Variants in MTMR3 observed in about 807,000 individuals in gnomAD.
The protein encoded by MTMR3 is phosphatidylinositol-3,5-bisphosphate 3-phosphatase MTMR3.
A neutral mutation model predicts 132.4 loss-of-function variants in MTMR3; 32 were observed. The ratio of observed to expected loss-of-function variants is 0.24; its 90% confidence interval spans 0.18 to 0.32. The LOEUF (loss-of-function observed/expected upper bound fraction) is 0.32, where lower values mean the gene tolerates loss of function less well. Among genes scored for constraint, MTMR3 ranks in the 10% least tolerant of loss-of-function variants. The pLI, the probability that MTMR3 is intolerant of heterozygous loss-of-function variation, is 1.00. For missense variants in MTMR3, 1,216 were observed against 1,489.6 expected, an observed-to-expected ratio of 0.82 and a Z score of 3.02; for synonymous variants, 556 against 550.3, an observed-to-expected ratio of 1.01 and a Z score of -0.14.
chr22:29,937,494 G>C (rs962580861), intron 1 of MTMR3, among the ~76,000 whole-genome samples: 1 of 150,634 alleles, frequency 6.6e-6, no homozygotes, highest in Admixed American at 6.6e-5. Context: ...ATAGCTTACT[G>C]CAGGCTTGAG....
At chr22:29,972,913 T>A (rs1218953493) in intron 3 of MTMR3, among the ~76,000 whole-genome samples, 1 of 152,196 alleles carries the variant, frequency 6.6e-6, no homozygotes, top group Non-Finnish European at 1.5e-5. Flanking sequence ...ATATGTATGT[T>A]TTATATAGTT....
In MTMR3 at chr22:30,020,188, C is replaced by T. The variant is rs774355560; in HGVS notation, c.2529C>T (p.Asp843=). ...TTGAGACCAGAGGACCAAACGTGGA[C>T]AGTTCTACAGACATGTTAGTGGAAG... ...VPFETRGPNV[D]SSTDMLVEDK... is the part of the protein sequence containing the mutation. Residue 843 remains aspartate, a synonymous_variant, in exon 17 of 20, where the codon GAC becomes GAT. Transcript: ENST00000401950. 15 of 1,614,088 alleles carry T rather than the reference C, an allele frequency of 9.3e-6. No homozygotes were observed. In the East Asian group the frequency reaches 2.5e-4, roughly 26 times the overall value.
chr22:29,923,721 C>G (rs1220222229), intron 1 of MTMR3, among the ~76,000 whole-genome samples: 1 of 152,136 alleles, frequency 6.6e-6, no homozygotes, highest in Non-Finnish European at 1.5e-5. Flanking sequence ...TTTAAGCACA[C>G]TAATCCTATT....
chr22:29,998,648 AT>A, intron 7 of MTMR3, 112 bp from the exon 8 acceptor site: 1 of 509,950 alleles, frequency 2.0e-6, no homozygotes. Context: ...GTCTCAAAAA[AT>A]ATATATATAT....
intron 1 of MTMR3, among the ~76,000 whole-genome samples, chr22:29,915,158 T>C (rs1449297737): frequency 6.6e-6 from 1 of 152,218 alleles, no homozygotes; most frequent in Non-Finnish European, 1.5e-5. Flanking sequence ...TGTTTTTAGG[T>C]ACATACATAT....
At chr22:30,000,280 T>C (rs1248176467) in intron 8 of MTMR3, 1 of 151,954 alleles carries the variant, frequency 6.6e-6, no homozygotes, top group East Asian at 1.9e-4. Flanking sequence ...GCTAACACGG[T>C]GAAACCCCGT....
In MTMR3 at chr22:29,976,643, C is replaced by G. The variant is rs1448260004; in HGVS notation, c.4-1799C>G. On this transcript the variant is annotated intron_variant, in intron 3 of 19. Transcript: ENST00000401950. ...TGTGCTAAGGTACCAGCAGTTTTAC[C>G]TACCAGGTTTTTTTGCACTATTAGT... Among the ~76,000 whole-genome samples, 14 of 152,094 alleles carry G rather than the reference C, an allele frequency of 9.2e-5. 1 individual carries two copies.
rs9625879 is a variant in MTMR3, at chr22:29,897,613, C to T, written c.-138+14254C>T. Among the ~76,000 whole-genome samples the T allele has an allele frequency of 4.5e-3, 688 of 151,454 alleles. 6 individuals carry two copies. Among genetic ancestry groups the T allele is most frequent in the African/African-American group, 0.016 (645 of 41,266 alleles). ...GATTACAGGAGCTCGTCACCATGCC[C>T]GGCTAATTTTCTTATTTTTAGTAGA... is the stretch of plus-strand genomic sequence containing the variant. On this transcript the variant is annotated intron_variant, in intron 1 of 19. Transcript: ENST00000401950.
At chr22:29,948,126 A>C (rs552726726) in intron 1 of MTMR3, among the ~76,000 whole-genome samples, 1 of 152,266 alleles carries the variant, frequency 6.6e-6, no homozygotes, top group Admixed American at 6.5e-5. Context: ...CTAGTATTTG[A>C]ATTTTGTCTG....
chr22:30,001,844 T>C (rs2067182496), intron 8 of MTMR3: 1 of 152,188 alleles, frequency 6.6e-6, no homozygotes, highest in Non-Finnish European at 1.5e-5. Context: ...TTCAGTGGCT[T>C]TTAAATTCCT....
In MTMR3 at chr22:30,027,454, T is replaced by G. The variant is rs1158574370; in HGVS notation, c.*1653T>G. Reference sequence around the variant, plus strand: ...ATCTGAGCACGTCTCTGACTTCCAGTGGCAACACAGTTTGAACGTGGTGAA... The same window carrying G: ...ATCTGAGCACGTCTCTGACTTCCAGGGGCAACACAGTTTGAACGTGGTGAA... On this transcript the variant is annotated 3_prime_UTR_variant, in exon 20 of 20. Coordinates refer to ENST00000401950, the MANE Select transcript of MTMR3 (RefSeq NM_021090.4). 2 of 152,808 alleles carry G rather than the reference T, an allele frequency of 1.3e-5. No homozygotes were observed. Among genetic ancestry groups the G allele is most frequent in the Non-Finnish European group, 2.9e-5 (2 of 68,048 alleles). The allele number at this position is 152,808 out of a possible 1,614,324, so 9.5% of individuals were successfully genotyped here.
rs777379430 is a variant in MTMR3, at chr22:30,020,884, G to A, written c.3225G>A (p.Val1075=). ...TTAATGGAGACTTTGGGGATGAGGT[G>A]GTGAGTAGGCTGTGGTATTCCTCCA... The part of the protein sequence containing the change: ...LHFNGDFGDE[V]TSIPDSESNL... The change falls in exon 17 of 20, where the codon GTG becomes GTA. Residue 1075 remains valine (V), a splice_region_variant and synonymous_variant. Transcript: ENST00000401950. 4.6e-5 allele frequency: 73 copies of A among 1,578,314 alleles called. No individual in the cohort carries two copies. The highest frequency in any genetic ancestry group is 6.2e-5 in the Non-Finnish European group (72 of 1,160,582).
chr22:29,919,332 A>G (rs569435471), intron 1 of MTMR3, among the ~76,000 whole-genome samples: 2 of 152,248 alleles, frequency 1.3e-5, no homozygotes, highest in Admixed American at 1.3e-4. Context: ...CTTACCATGG[A>G]TTTCTCACGT....
rs1272446403 is a variant in MTMR3 at position 29,896,902 on chromosome 22, C to CACACACACAT, written c.-138+13544_-138+13545insCACACACATA. On this transcript the variant is annotated intron_variant, in intron 1 of 19. Coordinates refer to ENST00000401950, the MANE Select transcript of MTMR3 (RefSeq NM_021090.4). ...ACACACACACACACACACACACACA[C>CACACACACAT]ATACACACACACAAATCCCATATAG... 1.5e-3 allele frequency among the ~76,000 whole-genome samples: 222 copies of CACACACACAT among 148,842 alleles called. 2 individuals are homozygous for CACACACACAT. The highest frequency in any genetic ancestry group is 2.2e-4 in the Non-Finnish European group (15 of 67,356).
At chr22:29,898,371 C>G (rs1289151980) in intron 1 of MTMR3, among the ~76,000 whole-genome samples, 1 of 152,168 alleles carries the variant, frequency 6.6e-6, no homozygotes, top group African/African-American at 2.4e-5. Flanking sequence ...CAATTGATCA[C>G]ATCACCCAGG....
chr22:29,907,417 A>G (rs2065124953), intron 1 of MTMR3, among the ~76,000 whole-genome samples: 3 of 145,074 alleles, frequency 2.1e-5, no homozygotes, highest in East Asian at 3.9e-4. Flanking sequence ...AAAAATTACA[A>G]ACTTTTTTAT....
At chr22:29,946,651 T>G (rs566185197) in intron 1 of MTMR3, among the ~76,000 whole-genome samples, 23 of 152,366 alleles carry the variant, frequency 1.5e-4, no homozygotes, top group Admixed American at 1.4e-3. Flanking sequence ...TTCAAACCTC[T>G]CATTAATGTA....
At chr22:29,955,948 C>T (rs777178283) in intron 1 of MTMR3, among the ~76,000 whole-genome samples, 22 of 151,726 alleles carry the variant, frequency 1.4e-4, no homozygotes, top group African/African-American at 3.1e-4. Context: ...GCTGGGGTTT[C>T]GCTGTGTTGG....
chr22:29,897,568 T>C (rs1336707123), intron 1 of MTMR3, among the ~76,000 whole-genome samples: 1 of 152,062 alleles, frequency 6.6e-6, no homozygotes, highest in Non-Finnish European at 1.5e-5. Flanking sequence ...TTCTTGTGCC[T>C]CGGCCTTTTG....
Sources: gnomAD v4.1 joint callset for allele counts (sites outside exome capture counted in the v4.1 genomes callset) on GRCh38, gnomAD v4.1.1 for gene constraint, MANE v1.5 for transcripts, NCBI Gene and HGNC (gene_info 2026-07-23, HGNC 2026-07-21) for gene names.